LTA4H: variants seen among roughly 807,000 people sequenced by gnomAD.
The protein encoded by LTA4H is leukotriene A4 hydrolase.
Under a neutral mutation model 89.8 loss-of-function variants are expected in LTA4H, and 59 were observed. The observed-to-expected ratio is 0.66, with a 90% confidence interval of 0.53 to 0.82. The LOEUF (loss-of-function observed/expected upper bound fraction) is 0.82, where lower values mean the gene tolerates loss of function less well. Ranked by LOEUF, LTA4H falls within the 40% of genes least tolerant of loss-of-function variation. The pLI is 0.00. For synonymous variants in LTA4H, 227 were observed against 253.1 expected, an observed-to-expected ratio of 0.90 and a Z score of 0.98; for missense variants, 617 against 727.0, an observed-to-expected ratio of 0.85 and a Z score of 1.74.
chr12:96,009,417 G>T, intron 14 of LTA4H: 1 of 459,270 alleles, frequency 2.2e-6, no homozygotes, highest in Non-Finnish European at 3.9e-6. Context: ...ACTGTCATGT[G>T]CTCGAGTAGT....
upstream of LTA4H, among the ~76,000 whole-genome samples, chr12:96,038,598 C>CA (rs1950666648): frequency 6.6e-6 from 1 of 151,704 alleles, no homozygotes; most frequent in African/African-American, 2.4e-5. Context: ...AAGCTGGTCT[C>CA]AAACTTCTGA....
chr12:96,020,284 C>T (rs561185234), intron 6 of LTA4H, among the ~76,000 whole-genome samples: 1 of 152,100 alleles, frequency 6.6e-6, no homozygotes, highest in East Asian at 1.9e-4. Flanking sequence ...TAAGAAGAAA[C>T]AAATAGAAAA....
At chr12:96,021,062 T>C in intron 6 of LTA4H, 23 bp downstream of exon 6, 1 of 1,597,570 alleles carries the variant, frequency 6.3e-7, no homozygotes, top group South Asian at 1.1e-5. Context: ...TCCACAAACC[T>C]GAAAATTTTT....
chr12:96,016,869 TA>T (rs781369632), intron 10 of LTA4H, among the ~76,000 whole-genome samples, 174 bp downstream of exon 10: 16 of 150,136 alleles, frequency 1.1e-4, no homozygotes, highest in Non-Finnish European at 2.2e-4. Context: ...CACTGCACTC[TA>T]GCCTGAGTGA....
intron 1 of LTA4H, chr12:96,043,165 C>A: frequency 1.5e-6 from 1 of 663,808 alleles, no homozygotes; most frequent in Non-Finnish European, 2.6e-6. Context: ...AACTCCCTGA[C>A]GCAACCTGCA....
intron 6 of LTA4H, chr12:96,020,559 A>G (rs7981011): frequency 0.13 from 19,437 of 152,370 alleles, 1,540 homozygotes; most frequent in East Asian, 0.3. Context: ...TCTGTTTCAC[A>G]ACAATGTGGA....
Position 96,029,073 on chromosome 12 carries a change from A to G in LTA4H, c.272T>C (p.Leu91Pro). 1 of 1,590,632 alleles carries G rather than the reference A, an allele frequency of 6.3e-7. No individual in the cohort carries two copies. ...TTCATACTTGCTCAAAGCGATAGGA[A>G]GAGAGATTTCCATTGGCGATCCCTT... ...SYKGSPMEIS[L>P]PIALSKNQEI... is the part of the protein sequence containing the mutation. Residue 91 changes from leucine to proline, a missense_variant, in exon 2 of 19, where the codon CTT (leucine) becomes CCT (proline). Leu to Pro is a moderately conservative substitution (Grantham distance 98). Coordinates refer to ENST00000228740, the MANE Select transcript of LTA4H (RefSeq NM_000895.3).
At position 96,018,047 on chromosome 12, in the gene LTA4H, C is replaced by G. The variant is rs191371072; in HGVS notation, c.853-467G>C. Among the ~76,000 whole-genome samples, 613 of 151,958 alleles carry G rather than the reference C, an allele frequency of 4.0e-3. 2 individuals are homozygous for G. Among genetic ancestry groups the G allele is most frequent in the African/African-American group, 0.014 (589 of 41,428 alleles). Reference sequence around the variant, plus strand: ...CTCACAGGCATATTAAACATAGCAGCGTTCTATGGCCCTAATCCTTTCCTG... The same window carrying G: ...CTCACAGGCATATTAAACATAGCAGGGTTCTATGGCCCTAATCCTTTCCTG... On this transcript the variant is annotated intron_variant, in intron 8 of 18. Transcript: ENST00000228740.
In LTA4H at chr12:96,027,452, G is replaced by T; in HGVS notation, c.403C>A (p.Gln135Lys). The change falls in exon 3 of 19, where the codon CAG (glutamine) becomes AAG (lysine). Residue 135 changes from glutamine (Q) to lysine (K), a missense_variant. Coordinates refer to ENST00000228740, the MANE Select transcript of LTA4H (RefSeq NM_000895.3). Reference protein sequence around the residue: ...SGKEHPYLFSQCQAIHCRAIL... With the variant: ...SGKEHPYLFSKCQAIHCRAIL... ...TCTGGAATCCTTTTTACCTGGCACT[G>T]ACTAAAGAGATATGGGTGTTCCTTC... 6.2e-7 allele frequency: 1 copy of T among 1,602,046 alleles called. No individual in the cohort carries two copies. The highest frequency in any genetic ancestry group is 1.1e-5 in the South Asian group (1 of 88,438).
In LTA4H at chr12:96,035,582, A is replaced by G. The variant is rs1950633037; in HGVS notation, c.-63T>C. ...CAACGCTCAGCTACCAGACTCGTCGATAGAGAACCTGAGGAGGAGGGAGAG... is the reference window on the plus strand; with the variant it reads ...CAACGCTCAGCTACCAGACTCGTCGGTAGAGAACCTGAGGAGGAGGGAGAG... On this transcript the variant is annotated 5_prime_UTR_variant, in exon 1 of 19. Coordinates refer to ENST00000228740, the MANE Select transcript of LTA4H (RefSeq NM_000895.3). 1.3e-6 allele frequency: 2 copies of G among 1,522,248 alleles called. No individual in the cohort carries two copies. The highest frequency in any genetic ancestry group is 1.8e-6 in the Non-Finnish European group (2 of 1,124,564). The allele number at this position is 1,522,248 out of a possible 1,614,324, so 94.3% of individuals were successfully genotyped here. A position where few individuals can be genotyped will look rare whatever the true frequency, so the allele number is the denominator to read the frequency against.
At chr12:96,021,666 AAC>A (rs60322768) in intron 5 of LTA4H, among the ~76,000 whole-genome samples, 16,722 of 146,820 alleles carry the variant, frequency 0.11, 980 homozygotes, top group Middle Eastern at 0.2. Flanking sequence ...CAATTAAGAA[AAC>A]ACACACACAC....
rs181800114 is a variant in LTA4H, at chr12:96,028,949, T to C, written c.290+106A>G. On this transcript the variant is annotated intron_variant, in intron 2 of 18. Transcript: ENST00000228740. ...ATCAGGATAAGTAGTGTACCAATCA[T>C]TACATATTTACAAACTAAAATTTAA... 2.8e-3 allele frequency: 2,446 copies of C among 879,854 alleles called. 3 individuals carry two copies. Among genetic ancestry groups the C allele is most frequent in the Middle Eastern group, 3.7e-3 (10 of 2,706 alleles). 54.5% of individuals were successfully genotyped at this position (879,854 alleles called of 1,614,324 possible). A position where few individuals can be genotyped will look rare whatever the true frequency, so the allele number is the denominator to read the frequency against.
intron 1 of LTA4H, among the ~76,000 whole-genome samples, chr12:96,042,009 G>A (rs1170435541): frequency 1.5e-5 from 2 of 129,864 alleles, no homozygotes; most frequent in African/African-American, 5.9e-5. Context: ...TTTTTGACAG[G>A]GTCTTGCTTT....
At chr12:96,023,848 A>T (rs955119153) in intron 4 of LTA4H, among the ~76,000 whole-genome samples, 1 of 152,218 alleles carries the variant, frequency 6.6e-6, no homozygotes, top group Non-Finnish European at 1.5e-5. Context: ...AATTTTTAAA[A>T]GTTAAGTAAA....
rs761003102 is a variant in LTA4H, at chr12:96,023,023, G to A, written c.481-772C>T. ...ATCCATACGGAAAAGACCCTTATGC[G>A]GCAAACCATATAGTCATTTAACTGT... On this transcript the variant is annotated intron_variant, in intron 4 of 18. Coordinates refer to ENST00000228740, the MANE Select transcript of LTA4H (RefSeq NM_000895.3). Among the ~76,000 whole-genome samples, 28 of 152,094 alleles carry A rather than the reference G, an allele frequency of 1.8e-4. 1 individual carries two copies. The highest frequency in any genetic ancestry group is 4.6e-4 in the Admixed American group (7 of 15,268).
chr12:96,017,389 C>A (rs1304927888), intron 9 of LTA4H, among the ~76,000 whole-genome samples, 168 bp downstream of exon 9: 1 of 152,050 alleles, frequency 6.6e-6, no homozygotes, highest in Non-Finnish European at 1.5e-5. Flanking sequence ...AGAGATCAAA[C>A]CATAAAATTT....
chr12:96,006,860 C>G (rs1950211511), intron 15 of LTA4H, among the ~76,000 whole-genome samples: 1 of 152,138 alleles, frequency 6.6e-6, no homozygotes, highest in Non-Finnish European at 1.5e-5. Context: ...GTTTTCCCCA[C>G]TTAATCTTAG....
At chr12:96,011,264 T>TA (rs1317467144) in intron 14 of LTA4H, 2 of 152,252 alleles carry the variant, frequency 1.3e-5, no homozygotes, top group Non-Finnish European at 1.5e-5. Context: ...CCCCTGAAGT[T>TA]AGAGTCTTTG....
intron 4 of LTA4H, 77 bp downstream of exon 4, chr12:96,024,402 T>C: frequency 1.2e-6 from 1 of 847,600 alleles, no homozygotes; most frequent in Non-Finnish European, 1.9e-6. Flanking sequence ...GGAATTCAAT[T>C]ATCATCTCTG....
Sources: gnomAD v4.1 joint callset for allele counts (sites outside exome capture counted in the v4.1 genomes callset) on GRCh38, gnomAD v4.1.1 for gene constraint, MANE v1.5 for transcripts, NCBI Gene and HGNC (gene_info 2026-07-23, HGNC 2026-07-21) for gene names.